MECOM: variants seen among roughly 807,000 people sequenced by gnomAD.
MECOM encodes the protein histone-lysine N-methyltransferase MECOM.
A neutral mutation model predicts 116.3 loss-of-function variants in MECOM; 13 were observed. That is an observed-to-expected ratio of 0.11 (90% CI 0.07 to 0.18). The LOEUF is 0.18. MECOM is among the 10% of genes least tolerant of loss of function. The pLI, the probability that MECOM is intolerant of heterozygous loss-of-function variation, is 1.00. For synonymous variants in MECOM, 528 were observed against 535.2 expected (o/e 0.99, Z 0.19); for missense variants, 1,299 against 1,509.0 (o/e 0.86, Z 2.31).
rs186451561 is a variant in MECOM at position 169,378,388 on chromosome 3, A to G, written c.375+2799T>C. Among the ~76,000 whole-genome samples, 36 of 29,098 alleles carry G rather than the reference A, an allele frequency of 1.2e-3. 1 individual carries two copies. Among genetic ancestry groups the G allele is most frequent in the African/African-American group, 0.011 (30 of 2,854 alleles). 19.1% of individuals were successfully genotyped at this position (29,098 alleles called of 152,430 possible). ...AGGAAGGAAGCAAGGAAGGAAGACAAGAAAGAAAGAAAGAAAGAAAGAAAG... is the reference window on the plus strand; with the variant it reads ...AGGAAGGAAGCAAGGAAGGAAGACAGGAAAGAAAGAAAGAAAGAAAGAAAG... On this transcript the variant is annotated intron_variant, in intron 2 of 16. Transcript: ENST00000651503.
At chr3:169,159,364 C>T (rs981633152) in intron 2 of MECOM, among the ~76,000 whole-genome samples, 1 of 152,036 alleles carries the variant, frequency 6.6e-6, no homozygotes, top group African/African-American at 2.4e-5. Flanking sequence ...TTGAGACGAG[C>T]CTGACCAACA....
intron 2 of MECOM, among the ~76,000 whole-genome samples, chr3:169,263,114 TATATATATATA>T (rs1560060990): frequency 2.2e-4 from 22 of 100,016 alleles, no homozygotes; most frequent in African/African-American, 1.0e-3. Flanking sequence ...TATATATATA[TATATATATATA>T]TATGTTTTTT....
intron 2 of MECOM, among the ~76,000 whole-genome samples, chr3:169,176,876 C>T (rs1040956668): frequency 6.6e-6 from 1 of 152,138 alleles, no homozygotes; most frequent in African/African-American, 2.4e-5. Flanking sequence ...AGCTCAACAT[C>T]ACTGATCATT....
chr3:169,093,383 A>G (rs1260217186), intron 13 of MECOM, among the ~76,000 whole-genome samples: 2 of 152,192 alleles, frequency 1.3e-5, no homozygotes, highest in Non-Finnish European at 2.9e-5. Context: ...TTGTGACATG[A>G]GAATATTTGT....
At chr3:169,458,646 T>A (rs1435297669) in intron 1 of MECOM, among the ~76,000 whole-genome samples, 1 of 152,214 alleles carries the variant, frequency 6.6e-6, no homozygotes, top group African/African-American at 2.4e-5. Context: ...CATTTTTATA[T>A]CTCACTCACC....
chr3:169,160,358 G>A (rs990319139), intron 2 of MECOM, among the ~76,000 whole-genome samples: 5 of 151,750 alleles, frequency 3.3e-5, no homozygotes, highest in African/African-American at 1.2e-4. Context: ...GAAATGATAT[G>A]TGTTTTTTAA....
At position 169,389,188 on chromosome 3, in the gene MECOM, C is replaced by G. The variant is rs150827393; in HGVS notation, c.38-7664G>C. On this transcript the variant is annotated intron_variant, in intron 1 of 16. Coordinates refer to ENST00000651503, the MANE Select transcript of MECOM (RefSeq NM_004991.4). ...TACTCCTAAGCTATTAAAAAATGGG[C>G]TTCGCCTCTTCCAAAACTTTCTCTT... is the stretch of plus-strand genomic sequence containing the variant. Among the ~76,000 whole-genome samples the G allele has an allele frequency of 3.9e-5, 6 of 152,322 alleles. No individual in the cohort carries two copies. The East Asian group carries it at 1.2e-3, about 29-fold the overall frequency.
intron 2 of MECOM, among the ~76,000 whole-genome samples, chr3:169,223,481 C>T (rs1368047922): frequency 1.3e-5 from 2 of 151,744 alleles, no homozygotes; most frequent in African/African-American, 4.8e-5. Context: ...TTTTTTATGG[C>T]TGCATAGTAT....
In MECOM at chr3:169,322,985, G is replaced by A. The variant is rs377186092; in HGVS notation, c.375+58202C>T. ...ACTACACTCCAGCCTGCATGACAGA[G>A]CAAGACTCCGGTAAAAAAAAAAAAA... On this transcript the variant is annotated intron_variant, in intron 2 of 16. Transcript: ENST00000651503. Among the ~76,000 whole-genome samples the A allele has an allele frequency of 5.9e-5, 6 of 101,882 alleles. No homozygotes were observed. In the East Asian group the frequency reaches 1.7e-3, roughly 29 times the overall value. 66.8% of individuals were successfully genotyped at this position (101,882 alleles called of 152,430 possible). A position where few individuals can be genotyped will look rare whatever the true frequency, so the allele number is the denominator to read the frequency against.
intron 1 of MECOM, among the ~76,000 whole-genome samples, chr3:169,459,778 C>A (rs1220736366): frequency 2.0e-5 from 3 of 151,860 alleles, no homozygotes; most frequent in Non-Finnish European, 1.5e-5. Flanking sequence ...ATAAGGGTCA[C>A]CTGCAGTTCA....
intron 6 of MECOM, among the ~76,000 whole-genome samples, chr3:169,122,315 C>T (rs1472807331): frequency 6.6e-6 from 1 of 152,162 alleles, no homozygotes; most frequent in Non-Finnish European, 1.5e-5. Flanking sequence ...AGTAGCGGAA[C>T]CAGGAATTTA....
At chr3:169,568,215 T>C (rs1763473764) in intron 1 of MECOM, among the ~76,000 whole-genome samples, 1 of 152,114 alleles carries the variant, frequency 6.6e-6, no homozygotes, top group Non-Finnish European at 1.5e-5. Context: ...CCAACTGTCT[T>C]CACAACCCGC....
chr3:169,208,976 T>C (rs1431183168), intron 2 of MECOM, among the ~76,000 whole-genome samples: 1 of 150,454 alleles, frequency 6.6e-6, no homozygotes, highest in East Asian at 1.9e-4. Context: ...TAAAACAGCA[T>C]GGTACTGCTA....
At chr3:169,398,982 T>C (rs1458634323) in intron 1 of MECOM, among the ~76,000 whole-genome samples, 3 of 152,202 alleles carry the variant, frequency 2.0e-5, no homozygotes, top group Non-Finnish European at 4.4e-5. Context: ...CTCTCCATGT[T>C]CATCATCTCC....
At chr3:169,410,721 C>T (rs889681101) in intron 1 of MECOM, among the ~76,000 whole-genome samples, 5 of 152,120 alleles carry the variant, frequency 3.3e-5, no homozygotes, top group African/African-American at 4.8e-5. Flanking sequence ...CAGTCGTGCC[C>T]ATTGACGCCT....
intron 1 of MECOM, among the ~76,000 whole-genome samples, chr3:169,465,218 C>T (rs1748088733): frequency 6.6e-6 from 1 of 152,170 alleles, no homozygotes; most frequent in East Asian, 1.9e-4. Context: ...GGCTGAACTG[C>T]CTGGGTTTTA....
At chr3:169,120,901 G>T (rs778880773) in intron 7 of MECOM, 155 bp downstream of exon 7, 57 of 647,916 alleles carry the variant, frequency 8.8e-5, no homozygotes, top group Non-Finnish European at 1.3e-4. Context: ...GATTATAAAA[G>T]ATTTACTTGT....
At position 169,084,757 on chromosome 3, in the gene MECOM, T is replaced by A. The variant is rs1717104515; in HGVS notation, c.*152A>T. On this transcript the variant is annotated 3_prime_UTR_variant, in exon 17 of 17. Coordinates refer to ENST00000651503, the MANE Select transcript of MECOM (RefSeq NM_004991.4). ...ATAGTTTCTTTTTTCTTTCTTTTCT[T>A]TTTTAAATCATTCAGTTTAAGGTCA... 1.3e-6 allele frequency: 1 copy of A among 782,386 alleles called. No homozygotes were observed. Among genetic ancestry groups the A allele is most frequent in the East Asian group, 2.7e-5 (1 of 36,536 alleles). 48.5% of individuals were successfully genotyped at this position (782,386 alleles called of 1,614,324 possible). A position where few individuals can be genotyped will look rare whatever the true frequency, so the allele number is the denominator to read the frequency against.
intron 2 of MECOM, among the ~76,000 whole-genome samples, chr3:169,373,440 G>A (rs1264225408): frequency 6.6e-6 from 1 of 151,822 alleles, no homozygotes; most frequent in East Asian, 1.9e-4. Context: ...CAGAAAGATG[G>A]CCCCTATTTA....
Sources: gnomAD v4.1 joint callset for allele counts (sites outside exome capture counted in the v4.1 genomes callset) on GRCh38, gnomAD v4.1.1 for gene constraint, MANE v1.5 for transcripts, NCBI Gene and HGNC (gene_info 2026-07-23, HGNC 2026-07-21) for gene names.